Variants in SMG1 observed in about 807,000 individuals in gnomAD.
SMG1 encodes the protein SMG1 nonsense mediated mRNA decay associated PI3K related kinase, also known as serine/threonine-protein kinase SMG1.
A neutral mutation model predicts 419.9 loss-of-function variants in SMG1; 22 were observed. The ratio of observed to expected loss-of-function variants is 0.05; its 90% CI spans 0.04 to 0.07. SMG1 has a LOEUF of 0.07. Among genes scored for constraint, SMG1 ranks in the 10% least tolerant of loss-of-function variants. The pLI is 1.00. For synonymous variants in SMG1, 1,538 were observed against 1,553.5 expected (o/e 0.99, Z 0.23); for missense variants, 3,185 against 4,342.0 (o/e 0.73, Z 7.49).
rs1422256298 is a variant in SMG1 at position 18,871,347 on chromosome 16, A to G, written c.2302+17T>C. On this transcript the variant is annotated intron_variant, in intron 16 of 62. Transcript: ENST00000446231. ...TTGATAAACAAAATAGAAAAAAAAA[A>G]AAAAACAGAGTCTTACTGTTGGCTA... 3.1e-6 allele frequency: 4 copies of G among 1,290,738 alleles called. No homozygotes were observed. The highest frequency in any genetic ancestry group is 3.2e-6 in the Non-Finnish European group (3 of 933,056). 80.0% of individuals were successfully genotyped at this position (1,290,738 alleles called of 1,614,324 possible).
intron 1 of SMG1, among the ~76,000 whole-genome samples, chr16:18,907,118 T>C (rs569191320): frequency 6.6e-6 from 1 of 152,060 alleles, no homozygotes; most frequent in Non-Finnish European, 1.5e-5. Context: ...ACCCCGTCTA[T>C]GAAAAATACA....
At chr16:18,895,022 T>G (rs2141839370) in intron 3 of SMG1, among the ~76,000 whole-genome samples, 1 of 151,928 alleles carries the variant, frequency 6.6e-6, no homozygotes. Flanking sequence ...TTTCACCGTG[T>G]TAGCCAGGAT....
At chr16:18,883,727 T>A (rs1409347992) in intron 9 of SMG1, among the ~76,000 whole-genome samples, 1 of 152,280 alleles carries the variant, frequency 6.6e-6, no homozygotes, top group South Asian at 2.1e-4. Flanking sequence ...GAGACCAGCC[T>A]GGCCAACATG....
At chr16:18,862,187 C>T (rs1210538248) in intron 25 of SMG1, among the ~76,000 whole-genome samples, 2 of 152,158 alleles carry the variant, frequency 1.3e-5, no homozygotes, top group East Asian at 3.9e-4. Context: ...CCTTATAATC[C>T]CTAGAGCATC....
intron 6 of SMG1, among the ~76,000 whole-genome samples, chr16:18,887,143 T>C (rs140186517): frequency 6.6e-6 from 1 of 152,200 alleles, no homozygotes; most frequent in African/African-American, 2.4e-5. Flanking sequence ...GCATATATTA[T>C]GAAATTATTA....
At chr16:18,903,276 A>G (rs2037418864) in intron 1 of SMG1, among the ~76,000 whole-genome samples, 2 of 152,236 alleles carry the variant, frequency 1.3e-5, no homozygotes, top group Non-Finnish European at 2.9e-5. Flanking sequence ...CAGTAACTCC[A>G]GGAGGGCAGT....
chr16:18,900,407 C>G (rs1044833939), intron 1 of SMG1, among the ~76,000 whole-genome samples: 5 of 152,116 alleles, frequency 3.3e-5, no homozygotes, highest in Non-Finnish European at 5.9e-5. Context: ...GACCTCACAC[C>G]AACAATCCAC....
chr16:18,856,742 T>C (rs1330224739), intron 29 of SMG1: 1 of 152,086 alleles, frequency 6.6e-6, no homozygotes, highest in Non-Finnish European at 1.5e-5. Context: ...ACAATCTCCT[T>C]GATCACCATT....
At chr16:18,922,484 GAGA>G (rs976948777) in intron 1 of SMG1, among the ~76,000 whole-genome samples, 7 of 152,168 alleles carry the variant, frequency 4.6e-5, no homozygotes, top group African/African-American at 9.7e-5. Context: ...ACCATTCTTT[GAGA>G]AGGAGTCTTG....
In SMG1 at chr16:18,866,674, A is replaced by T. The variant is rs996487617; in HGVS notation, c.3297T>A (p.Ile1099=). The change falls in exon 23 of 63, where the codon ATT becomes ATA. Residue 1099 remains isoleucine (I), a synonymous_variant. Coordinates refer to ENST00000446231, the MANE Select transcript of SMG1 (RefSeq NM_015092.5). ...IQGIAVWSSS[I]VGKNLLWINS... ...TAATCCACAGAAGATTTTTTCCAAC[A>T]ATAGATGATGACCAGACAGCAATTC... The T allele has an allele frequency of 1.4e-5, 22 of 1,595,402 alleles. No individual in the cohort carries two copies. Among genetic ancestry groups the T allele is most frequent in the Middle Eastern group, 2.2e-4 (1 of 4,450 alleles).
At chr16:18,820,182 T>C (rs1047734687) in intron 55 of SMG1, among the ~76,000 whole-genome samples, 2 of 152,118 alleles carry the variant, frequency 1.3e-5, no homozygotes, top group Non-Finnish European at 2.9e-5. Context: ...GCCAGGCTGG[T>C]CTTGAACTCC....
Position 18,835,135 on chromosome 16 carries a change from G to A in SMG1, c.8087C>T (p.Pro2696Leu). Residue 2696 changes from proline (P) to leucine (L), a missense_variant, in exon 49 of 63, where the codon CCC becomes CTC. Physicochemically the swap from Pro to Leu is moderately conservative, Grantham distance 98. Transcript: ENST00000446231. Reference protein sequence around the residue: ...KYEMQYAPQPPPTVCQFITAT... With the variant: ...KYEMQYAPQPLPTVCQFITAT... ...AGTGATGAACTGACACACTGTTGGG[G>A]GTGGCTGGGGAGCATATTGCATTTC... 1 of 1,612,258 alleles carries A rather than the reference G, an allele frequency of 6.2e-7. No individual in the cohort carries two copies. Among genetic ancestry groups the A allele is most frequent in the Non-Finnish European group, 8.5e-7 (1 of 1,178,424 alleles).
In SMG1 at chr16:18,836,025, T is replaced by C. The variant is rs1171944957; in HGVS notation, c.7965A>G (p.Ile2655Met). ...ATVALQYPKAIFQKHRIEQWK... is the reference protein window; with the variant it reads ...ATVALQYPKAMFQKHRIEQWK... ...ACTGTTCAATTCGATGTTTCTGAAA[T>C]ATGGCCTTCGGATACTGCAGGGCCA... Residue 2655 changes from isoleucine (I) to methionine (M), a missense_variant, in exon 48 of 63, where the codon ATA becomes ATG. Transcript: ENST00000446231. 6.3e-7 allele frequency: 1 copy of C among 1,578,112 alleles called. No individual in the cohort carries two copies. The highest frequency in any genetic ancestry group is 8.6e-7 in the Non-Finnish European group (1 of 1,161,544).
rs2031104674 is a variant in SMG1 at position 18,808,906 on chromosome 16, T to TG, written c.*662dup. On this transcript the variant is annotated 3_prime_UTR_variant, in exon 63 of 63. Coordinates refer to ENST00000446231, the MANE Select transcript of SMG1 (RefSeq NM_015092.5). ...ATTAGGTAAAGGGGGAACGGGTAAG[T>TG]GGTGGGGAGGAGTAGGGAACGATGG... 1 of 152,438 alleles carries TG rather than the reference T, an allele frequency of 6.6e-6. No individual in the cohort carries two copies. The highest frequency in any genetic ancestry group is 2.4e-5 in the African/African-American group (1 of 41,378). The allele number at this position is 152,438 out of a possible 1,614,324, so 9.4% of individuals were successfully genotyped here.
intron 1 of SMG1, among the ~76,000 whole-genome samples, chr16:18,915,621 G>A (rs1349976497): frequency 1.3e-5 from 2 of 152,070 alleles, no homozygotes; most frequent in African/African-American, 4.8e-5. Context: ...GTATTTTACT[G>A]GAGATGGCAC....
At chr16:18,882,075 T>C (rs1596587951) in intron 10 of SMG1, 90 bp downstream of exon 10, 1 of 860,148 alleles carries the variant, frequency 1.2e-6, no homozygotes, top group East Asian at 2.8e-5. Flanking sequence ...AAATGAAGGA[T>C]TAATAACAGT....
chr16:18,852,311 A>T lies in SMG1; in HGVS notation c.4913+7T>A. 6.2e-7 allele frequency: 1 copy of T among 1,608,386 alleles called. No homozygotes were observed. The highest frequency in any genetic ancestry group is 8.5e-7 in the Non-Finnish European group (1 of 1,178,186). Reference sequence around the variant, plus strand: ...AATGCATAAATAAACTACACATTTAAACATACCTGGCATTGTCAACCACCT... The same window carrying T: ...AATGCATAAATAAACTACACATTTATACATACCTGGCATTGTCAACCACCT... On this transcript the variant is annotated splice_region_variant and intron_variant, in intron 32 of 62. Coordinates refer to ENST00000446231, the MANE Select transcript of SMG1 (RefSeq NM_015092.5).
rs2037150929 is a variant in SMG1 at position 18,896,853 on chromosome 16, C to T, written c.196G>A (p.Val66Met). The T allele has an allele frequency of 6.2e-7, 1 of 1,609,318 alleles. No homozygotes were observed. Among genetic ancestry groups the T allele is most frequent in the African/African-American group, 1.3e-5 (1 of 74,760 alleles). The change falls in exon 2 of 63, where the codon GTG (valine) becomes ATG (methionine). Residue 66 changes from valine (V) to methionine (M), a missense_variant. This residue lies in a region of SMG1 where 88 missense variants were observed against 85.9 expected (regional missense o/e 1.02). Coordinates refer to ENST00000446231, the MANE Select transcript of SMG1 (RefSeq NM_015092.5). ...YGLQPSNSAV[V>M]SRQRHDDTRV... ...GTATCATCGTGCCTTTGCCGAGACA[C>T]CACAGCTGAATTTGAAGGTTGCAGT...
intron 9 of SMG1, 97 bp from the exon 10 acceptor site, chr16:18,882,435 A>G (rs527996736): frequency 1.2e-5 from 8 of 663,392 alleles, no homozygotes; most frequent in Non-Finnish European, 1.8e-5. Context: ...ATTTTAGAAT[A>G]GATTTTTAGG....
Sources: allele counts gnomAD v4.1 joint callset (sites outside exome capture counted in the v4.1 genomes callset), GRCh38; gene constraint gnomAD v4.1.1; regional missense constraint gnomAD v4.1.1; transcripts MANE v1.5; gene names NCBI Gene and HGNC (gene_info 2026-07-23, HGNC 2026-07-21).